Variants in SACS observed in about 807,000 individuals in gnomAD.
The protein encoded by SACS is sacsin.
Under a neutral mutation model 348.0 loss-of-function variants are expected in SACS, and 197 were observed. The ratio of observed to expected loss-of-function variants is 0.57; its 90% CI spans 0.50 to 0.64. The LOEUF is 0.64. Among genes scored for constraint, SACS ranks in the 30% least tolerant of loss-of-function variants. The pLI is 0.00. For synonymous variants in SACS, 1,985 were observed against 1,910.6 expected, an observed-to-expected ratio of 1.04 and a Z score of -1.02; for missense variants, 4,999 against 5,360.8, an observed-to-expected ratio of 0.93 and a Z score of 2.11.
chr13:23,375,505 G>A (rs1054744177), intron 2 of SACS: 8 of 1,130,752 alleles, frequency 7.1e-6, no homozygotes, highest in Non-Finnish European at 8.7e-6. Flanking sequence ...CCGCGCCGAG[G>A]AGGAAACGCT....
At position 23,336,627 on chromosome 13, in the gene SACS, T is replaced by C; in HGVS notation, c.7249A>G (p.Thr2417Ala). Residue 2417 changes from threonine to alanine, a missense_variant, in exon 10 of 10, where the codon ACA becomes GCA. By Grantham distance (58) the Thr-to-Ala change is moderately conservative (BLOSUM62 0). Transcript: ENST00000382292. ...CGGCAAAGCTGAAAATTCTCTTCTG[T>C]TATTTGCTTTGTTCCTCTTTCTTGA... ...IDQERGTKQI[T>A]EENFQLCRRI... The C allele has an allele frequency of 1.2e-6, 2 of 1,613,842 alleles. No homozygotes were observed. The highest frequency in any genetic ancestry group is 1.7e-6 in the Non-Finnish European group (2 of 1,179,876).
At chr13:23,368,916 G>T (rs1036256615) in intron 4 of SACS, among the ~76,000 whole-genome samples, 1 of 152,098 alleles carries the variant, frequency 6.6e-6, no homozygotes, top group Non-Finnish European at 1.5e-5. Context: ...AGCCAGGATG[G>T]TCTTGATCTC....
At chr13:23,417,296 T>G (rs975025041) in intron 1 of SACS, among the ~76,000 whole-genome samples, 3 of 152,218 alleles carry the variant, frequency 2.0e-5, no homozygotes, top group African/African-American at 7.2e-5. Flanking sequence ...CAAAGCAATT[T>G]GAATCAAAAC....
rs149910906 is a variant in SACS at position 23,342,576 on chromosome 13, G to A, written c.2186-886C>T. ...AATCTGAAATCCAAAATGCTCCAAT[G>A]AGCATTTCTTTTGAGTGTCATGTAG... On this transcript the variant is annotated intron_variant, in intron 9 of 9. Transcript: ENST00000382292. Among the ~76,000 whole-genome samples, 28 of 152,302 alleles carry A rather than the reference G, an allele frequency of 1.8e-4. No individual in the cohort carries two copies. In the East Asian group the frequency reaches 5.4e-3, roughly 29 times the overall value.
In SACS at chr13:23,330,592, G is replaced by GT. The variant is rs1057517123; in HGVS notation, c.13283dup (p.Tyr4428Ter). The GT allele has an allele frequency of 1.9e-6, 3 of 1,613,988 alleles. No individual in the cohort carries two copies. The highest frequency in any genetic ancestry group is 2.2e-5 in the East Asian group (1 of 44,880). ...EKCPPSAGQT[Y>*]SQRFFVPPTF... ...TGGGAGGAACAAAGAACCTTTGAGAGTAAGTCTGTCCGGCTGAAGGGGGGC... is the reference window on the plus strand; with the variant it reads ...TGGGAGGAACAAAGAACCTTTGAGAGTTAAGTCTGTCCGGCTGAAGGGGGGC... The change falls in exon 10 of 10, where the codon TAC becomes TAAC. Residue 4428 changes from tyrosine to a stop codon, truncating the protein, a stop_gained and frameshift_variant. Coordinates refer to ENST00000382292, the MANE Select transcript of SACS (RefSeq NM_014363.6). LOFTEE classifies it high-confidence loss of function.
intron 9 of SACS, among the ~76,000 whole-genome samples, chr13:23,352,758 C>A (rs9552934): frequency 2.6e-5 from 4 of 152,064 alleles, no homozygotes; most frequent in Admixed American, 6.6e-5. Flanking sequence ...ATGAGTAACT[C>A]AGACGTTTGA....
rs747391373 is a variant in SACS, at chr13:23,341,090, C to T, written c.2786G>A (p.Arg929His). ...TCCCTGATCAGAAGAATGGTTAATG[C>T]GCTTGAATATTGCCAATTCTTGAAT... ...RIIQELAIFK[R>H]INHSSDQGIS... is the part of the protein sequence containing the mutation. The change falls in exon 10 of 10, where the codon CGC (arginine) becomes CAC (histidine). Residue 929 changes from arginine to histidine, a missense_variant. Physicochemically the swap from Arg to His is conservative, Grantham distance 29. Around this residue, in one of 6 missense-constraint regions of SACS, gnomAD observed 3,156 missense variants for 3,380.1 expected, o/e 0.93. Coordinates refer to ENST00000382292, the MANE Select transcript of SACS (RefSeq NM_014363.6). The T allele has an allele frequency of 2.5e-5, 40 of 1,613,858 alleles. No individual in the cohort carries two copies. The highest frequency in any genetic ancestry group is 7.7e-5 in the South Asian group (7 of 91,074).
At chr13:23,423,467 A>G (rs1874039224) in intron 1 of SACS, among the ~76,000 whole-genome samples, 1 of 152,224 alleles carries the variant, frequency 6.6e-6, no homozygotes, top group African/African-American at 2.4e-5. Context: ...TTTAGGATGC[A>G]CTGTTTTATA....
At chr13:23,347,411 A>G (rs1445288529) in intron 9 of SACS, among the ~76,000 whole-genome samples, 1 of 152,078 alleles carries the variant, frequency 6.6e-6, no homozygotes, top group Non-Finnish European at 1.5e-5. Context: ...AGAAACTTTT[A>G]ATCAACTGGA....
chr13:23,362,453 T>C (rs953288551), intron 6 of SACS, among the ~76,000 whole-genome samples: 4 of 152,154 alleles, frequency 2.6e-5, no homozygotes, highest in African/African-American at 9.7e-5. Flanking sequence ...TGATACAAGA[T>C]GACTGCTCAC....
chr13:23,336,493 G>C lies in SACS; in HGVS notation c.7383C>G (p.Leu2461=), dbSNP rs1419545155. The change falls in exon 10 of 10, where the codon CTC becomes CTG. Residue 2461 remains leucine, a synonymous_variant. Transcript: ENST00000382292. ...CATTGTAGCATAACGATTTAGCAGG[G>C]AGAAGCATAAGATTAGTATCTGGCA... ...ILLPDTNLML[L]PAKSLCYNDC... is the part of the protein sequence containing the mutation. The C allele has an allele frequency of 6.2e-7, 1 of 1,613,884 alleles. No homozygotes were observed. Among genetic ancestry groups the C allele is most frequent in the Non-Finnish European group, 8.5e-7 (1 of 1,179,936 alleles).
chr13:23,361,504 T>C (rs1016915660), intron 6 of SACS, among the ~76,000 whole-genome samples: 12 of 152,058 alleles, frequency 7.9e-5, no homozygotes, highest in Non-Finnish European at 1.3e-4. Context: ...TGGCCAGACA[T>C]GGTGGCTCAC....
At chr13:23,375,654 C>A in intron 2 of SACS, 1 of 740,244 alleles carries the variant, frequency 1.4e-6, no homozygotes, top group Admixed American at 6.4e-5. Context: ...CCGCCCCTCC[C>A]GCCAGGCCCC....
intron 1 of SACS, chr13:23,428,514 A>G (rs992999206): frequency 6.6e-6 from 1 of 152,252 alleles, no homozygotes; most frequent in Non-Finnish European, 1.5e-5. Context: ...AGTGTGCTGC[A>G]GGAAAGGTCG....
At chr13:23,425,055 C>T (rs1369369125) in intron 1 of SACS, among the ~76,000 whole-genome samples, 4 of 152,182 alleles carry the variant, frequency 2.6e-5, no homozygotes, top group Non-Finnish European at 5.9e-5. Flanking sequence ...TTGGTGTACA[C>T]CTCAAGTCGA....
chr13:23,365,313 AAC>A, intron 5 of SACS, 36 bp from the exon 6 acceptor site: 2 of 1,170,552 alleles, frequency 1.7e-6, no homozygotes, highest in Non-Finnish European at 2.5e-6. Flanking sequence ...AGTAATTAAT[AAC>A]ACAGTAATCT....
chr13:23,423,332 T>G (rs1764617448), intron 1 of SACS, among the ~76,000 whole-genome samples: 1 of 152,138 alleles, frequency 6.6e-6, no homozygotes, highest in South Asian at 2.1e-4. Flanking sequence ...GTGTTTTTAT[T>G]AAACTAGTTC....
intron 2 of SACS, 175 bp from the exon 3 acceptor site, chr13:23,375,444 G>T: frequency 1.7e-6 from 2 of 1,184,234 alleles, no homozygotes; most frequent in Non-Finnish European, 2.1e-6. Context: ...CACAGGCCCC[G>T]CGCGGGCCGG....
rs766923835 is a variant in SACS at position 23,337,084 on chromosome 13, A to C, written c.6792T>G (p.Asn2264Lys). ...VCLLQPILNE[N>K]SHSFRGCGSV... ...AACCACAACCTCTAAAAGAATGGGA[A>C]TTTTCATTTAGAATTGGTTGCAAAA... The change falls in exon 10 of 10, where the codon AAT (asparagine) becomes AAG (lysine). Residue 2264 changes from asparagine (N) to lysine (K), a missense_variant. Asn to Lys is a moderately conservative substitution (Grantham distance 94, BLOSUM62 0). Transcript: ENST00000382292. 6.2e-7 allele frequency: 1 copy of C among 1,613,994 alleles called. No individual in the cohort carries two copies. The highest frequency in any genetic ancestry group is 8.5e-7 in the Non-Finnish European group (1 of 1,179,902).
Sources: allele counts gnomAD v4.1 joint callset (sites outside exome capture counted in the v4.1 genomes callset), GRCh38; gene constraint gnomAD v4.1.1; regional missense constraint gnomAD v4.1.1; transcripts MANE v1.5; gene names NCBI Gene and HGNC (gene_info 2026-07-23, HGNC 2026-07-21).